USP22: variants seen among roughly 807,000 people sequenced by gnomAD.
USP22 encodes ubiquitin carboxyl-terminal hydrolase 22.
USP22 carries 22 observed loss-of-function variants against 68.1 expected under a neutral mutation model. That is an observed-to-expected ratio of 0.32 (90% CI 0.23 to 0.46). The LOEUF (loss-of-function observed/expected upper bound fraction) is 0.46, where lower values mean the gene tolerates loss of function less well. USP22 is among the 20% of genes least tolerant of loss of function. The probability of loss-of-function intolerance (pLI) is 1.00; values close to 1 mark genes in which losing one functional copy is unlikely to be tolerated. For missense variants in USP22, 433 were observed against 695.8 expected, an observed-to-expected ratio of 0.62 and a Z score of 4.25; for synonymous variants, 279 against 274.2, an observed-to-expected ratio of 1.02 and a Z score of -0.17.
intron 2 of USP22, among the ~76,000 whole-genome samples, chr17:21,022,551 G>A (rs1237068369): frequency 6.6e-6 from 1 of 152,172 alleles, no homozygotes; most frequent in Non-Finnish European, 1.5e-5. Flanking sequence ...TGTAATCCCA[G>A]CACTTTGGGA....
At chr17:21,017,242 C>T (rs948385226) in intron 5 of USP22, among the ~76,000 whole-genome samples, 1 of 152,216 alleles carries the variant, frequency 6.6e-6, no homozygotes, top group South Asian at 2.1e-4. Context: ...CTGCATCTCT[C>T]GCAGAGGTTA....
intron 12 of USP22, among the ~76,000 whole-genome samples, chr17:21,003,338 C>T (rs980507257): frequency 6.6e-6 from 1 of 152,232 alleles, no homozygotes; most frequent in Non-Finnish European, 1.5e-5. Flanking sequence ...CACAGCCTCT[C>T]CCCCACTTGT....
intron 1 of USP22, among the ~76,000 whole-genome samples, chr17:21,035,287 C>A (rs1363535527): frequency 1.3e-5 from 2 of 152,222 alleles, no homozygotes; most frequent in African/African-American, 4.8e-5. Flanking sequence ...TCAATTCTAT[C>A]TCAATTTCTA....
intron 7 of USP22, among the ~76,000 whole-genome samples, chr17:21,012,145 A>G (rs984963155): frequency 6.6e-6 from 1 of 152,176 alleles, no homozygotes; most frequent in African/African-American, 2.4e-5. Context: ...GAACAGAGCC[A>G]GGCACGGTGG....
chr17:21,037,081 A>T (rs1241868233), intron 1 of USP22, among the ~76,000 whole-genome samples: 4 of 152,366 alleles, frequency 2.6e-5, no homozygotes, highest in Middle Eastern at 3.4e-3. Flanking sequence ...GAGCCAGCTG[A>T]AAGAGCTCCC....
At chr17:21,017,324 T>G (rs532914698) in intron 5 of USP22, among the ~76,000 whole-genome samples, 2 of 152,312 alleles carry the variant, frequency 1.3e-5, no homozygotes, top group Non-Finnish European at 2.9e-5. Context: ...CCAGCCTGCT[T>G]ATTAGTTGAG....
At chr17:21,003,185 G>C (rs1913652119) in intron 12 of USP22, 112 bp from the exon 13 acceptor site, 1 of 1,303,004 alleles carries the variant, frequency 7.7e-7, no homozygotes, top group South Asian at 1.2e-5. Context: ...AGGTCGGCCA[G>C]GCCCGAGTTG....
intron 1 of USP22, among the ~76,000 whole-genome samples, chr17:21,035,712 T>C (rs940306155): frequency 6.6e-6 from 1 of 152,068 alleles, no homozygotes; most frequent in African/African-American, 2.4e-5. Context: ...TATAGCCACA[T>C]GATAAATACC....
chr17:21,010,569 CAGG>C (rs143233711), intron 8 of USP22, among the ~76,000 whole-genome samples: 28,548 of 149,908 alleles, frequency 0.19, 3,403 homozygotes, highest in South Asian at 0.28. Context: ...CCCAGCTACT[CAGG>C]AGAATCACTT....
chr17:21,019,005 T>C (rs1972122097), intron 4 of USP22, 79 bp downstream of exon 4: 2 of 1,460,852 alleles, frequency 1.4e-6, no homozygotes, highest in African/African-American at 2.8e-5. Flanking sequence ...TCATGTGGAC[T>C]TAAGAAACCC....
At chr17:21,021,007 G>C (rs1263440060) in intron 3 of USP22, 106 bp downstream of exon 3, 15 of 863,196 alleles carry the variant, frequency 1.7e-5, no homozygotes, top group Non-Finnish European at 2.6e-5. Flanking sequence ...CTTCCCACCA[G>C]CCTGCCACTT....
rs1244753368 is a variant in USP22, at chr17:21,004,478, C to T, written c.1386-127G>A. ...CCTGTGGGCCTGTCAACCCCCAGGG[C>T]CTCAGGCTGATGCACAGGAGGCTGC... is the stretch of plus-strand genomic sequence containing the variant. On this transcript the variant is annotated intron_variant, in intron 11 of 12. Transcript: ENST00000261497. 7.4e-6 allele frequency: 9 copies of T among 1,219,134 alleles called. No homozygotes were observed. In the East Asian group the frequency reaches 2.2e-4, roughly 30 times the overall value. 75.5% of individuals were successfully genotyped at this position (1,219,134 alleles called of 1,614,324 possible).
chr17:21,022,099 C>A (rs1216478648), intron 2 of USP22, among the ~76,000 whole-genome samples: 5 of 151,498 alleles, frequency 3.3e-5, no homozygotes, highest in African/African-American at 7.3e-5. Context: ...GACTCTGTCT[C>A]AAAAAATAAA....
At chr17:21,017,099 T>C (rs1972092445) in intron 5 of USP22, among the ~76,000 whole-genome samples, 1 of 152,174 alleles carries the variant, frequency 6.6e-6, no homozygotes, top group Non-Finnish European at 1.5e-5. Context: ...AGGCTGGCAA[T>C]CTGTTTTTGA....
At chr17:21,004,138 A>G in intron 12 of USP22, 64 bp downstream of exon 12, 1 of 1,584,064 alleles carries the variant, frequency 6.3e-7, no homozygotes, top group South Asian at 1.1e-5. Context: ...GGCTAGTCTC[A>G]GCTATACCGG....
At chr17:21,027,292 C>CAAAAAAAAAAAAAAAAAAAAAAAAAAA (rs71357459) in intron 2 of USP22, among the ~76,000 whole-genome samples, 18 of 72,274 alleles carry the variant, frequency 2.5e-4, no homozygotes, top group South Asian at 8.1e-4. Context: ...ACCCTGTCTC[C>CAAAAAAAAAAAAAAAAAAAAAAAAAAA]AAAAAAAAAA....
intron 6 of USP22, chr17:21,015,509 A>C: frequency 2.1e-6 from 1 of 485,566 alleles, no homozygotes; most frequent in Non-Finnish European, 3.5e-6. Context: ...GTGATCGGTC[A>C]CTGAGGACCT....
At chr17:21,024,576 T>C (rs1000669223) in intron 2 of USP22, among the ~76,000 whole-genome samples, 1 of 152,170 alleles carries the variant, frequency 6.6e-6, no homozygotes, top group East Asian at 1.9e-4. Flanking sequence ...ACCAGAAATA[T>C]AAAACTCGTA....
rs556265598 is a variant in USP22 at position 21,002,525 on chromosome 17, A to G, written c.*506T>C. On this transcript the variant is annotated 3_prime_UTR_variant, in exon 13 of 13. Coordinates refer to ENST00000261497, the MANE Select transcript of USP22 (RefSeq NM_015276.2). ...GAGGCTGCTTCACAGCCGCTGAGAA[A>G]ATGGAGGTGAAGAGTTCCATACTCT... The G allele has an allele frequency of 1.3e-3, 201 of 153,908 alleles. 1 individual carries two copies. The highest frequency in any genetic ancestry group is 3.4e-3 in the Middle Eastern group (1 of 294). 9.5% of individuals were successfully genotyped at this position (153,908 alleles called of 1,614,324 possible).
Sources: allele counts gnomAD v4.1 joint callset (sites outside exome capture counted in the v4.1 genomes callset), GRCh38; gene constraint gnomAD v4.1.1; transcripts MANE v1.5; gene names NCBI Gene and HGNC (gene_info 2026-07-23, HGNC 2026-07-21).